BCL11B: variants seen among roughly 807,000 people sequenced by gnomAD.
BCL11B encodes BCL11 transcription factor B, also known as B-cell lymphoma/leukemia 11B.
Under a neutral mutation model 49.9 loss-of-function variants are expected in BCL11B, and 8 were observed. The ratio of observed to expected loss-of-function variants is 0.16; its 90% CI spans 0.09 to 0.29. The LOEUF is 0.29. Among genes scored for constraint, BCL11B ranks in the 10% least tolerant of loss-of-function variants. The probability of loss-of-function intolerance (pLI) is 1.00; values close to 1 mark genes in which losing one functional copy is unlikely to be tolerated. For synonymous variants in BCL11B, 739 were observed against 637.4 expected, an observed-to-expected ratio of 1.16 and a Z score of -2.40; for missense variants, 1,006 against 1,351.0, an observed-to-expected ratio of 0.74 and a Z score of 4.00.
At chr14:99,261,230 T>C (rs1889328563) in intron 1 of BCL11B, among the ~76,000 whole-genome samples, 2 of 152,170 alleles carry the variant, frequency 1.3e-5, no homozygotes, top group African/African-American at 2.4e-5. Flanking sequence ...AAAGCTCACG[T>C]TCAAGGCCTT....
At chr14:99,179,381 G>A (rs1356697032) in intron 3 of BCL11B, among the ~76,000 whole-genome samples, 1 of 149,836 alleles carries the variant, frequency 6.7e-6, no homozygotes, top group African/African-American at 2.5e-5. Flanking sequence ...GGCTGAGGCA[G>A]GAGAATCGCT....
chr14:99,231,931 T>C lies in BCL11B; in HGVS notation c.428-374A>G, dbSNP rs529790343. Among the ~76,000 whole-genome samples the C allele has an allele frequency of 3.9e-5, 6 of 152,074 alleles. No homozygotes were observed. In the East Asian group the frequency reaches 5.9e-4, roughly 15 times the overall value. ...AATCAAATAGGTTCCATTTGGGGAT[T>C]TGTTTCCAAAACTTCGGGCTACCCC... On this transcript the variant is annotated intron_variant, in intron 2 of 3. Transcript: ENST00000357195. This position sits in a 1 kb window ranked among gnomAD's most constrained non-coding sequence, Gnocchi z 8.1.
intron 2 of BCL11B, among the ~76,000 whole-genome samples, chr14:99,234,264 C>G (rs1888424868): frequency 6.6e-6 from 1 of 152,036 alleles, no homozygotes; most frequent in Non-Finnish European, 1.5e-5. Context: ...GTGAATAGAT[C>G]CAAAACCACT....
Position 99,192,869 on chromosome 14 carries a change from G to GTGAATGAA in BCL11B, c.641-16682_641-16675dup, listed in dbSNP as rs10553108. Among the ~76,000 whole-genome samples the GTGAATGAA allele has an allele frequency of 6.6e-6, 1 of 151,218 alleles. No homozygotes were observed. Among genetic ancestry groups the GTGAATGAA allele is most frequent in the African/African-American group, 2.4e-5 (1 of 41,074 alleles). ...TATTTAATGATCAAAATGTAAATGA[G>GTGAATGAA]TGAATGAATGAATGAATGAATGAAT... On this transcript the variant is annotated intron_variant, in intron 3 of 3. Transcript: ENST00000357195. The surrounding 1 kb of genome is among the most constrained non-coding windows in gnomAD (Gnocchi z 4.0).
intron 3 of BCL11B, among the ~76,000 whole-genome samples, chr14:99,207,940 CCT>C (rs946528634): frequency 9.9e-5 from 15 of 152,268 alleles, no homozygotes; most frequent in East Asian, 1.9e-4. Flanking sequence ...GTAACAGGCC[CCT>C]GAGTCTCCAT....
At chr14:99,224,645 T>C (rs1279758791) in intron 3 of BCL11B, among the ~76,000 whole-genome samples, 5 of 152,200 alleles carry the variant, frequency 3.3e-5, no homozygotes, top group Admixed American at 6.5e-5. Flanking sequence ...CCCCAGGTGC[T>C]GGTCATGGGC....
At position 99,194,389 on chromosome 14, in the gene BCL11B, G is replaced by A. The variant is rs1047158894; in HGVS notation, c.641-18194C>T. Among the ~76,000 whole-genome samples the A allele has an allele frequency of 6.6e-6, 1 of 152,216 alleles. No homozygotes were observed. Among genetic ancestry groups the A allele is most frequent in the Non-Finnish European group, 1.5e-5 (1 of 68,030 alleles). ...GTGCTCCTGGACAACATCCCTAGGG[G>A]GTGGCAGGGCCAGGAAGATGCCTGT... On this transcript the variant is annotated intron_variant, in intron 3 of 3. Transcript: ENST00000357195. This position sits in a 1 kb window ranked among gnomAD's most constrained non-coding sequence, Gnocchi z 4.6.
chr14:99,206,191 A>C (rs1887528412), intron 3 of BCL11B, among the ~76,000 whole-genome samples: 1 of 152,176 alleles, frequency 6.6e-6, no homozygotes, highest in African/African-American at 2.4e-5. Context: ...GGGTAATACT[A>C]TCTCTTATCC....
chr14:99,209,446 G>A lies in BCL11B; in HGVS notation c.640+21899C>T, dbSNP rs566002795. 5.3e-5 allele frequency among the ~76,000 whole-genome samples: 8 copies of A among 152,198 alleles called. No individual in the cohort carries two copies. In the East Asian group the frequency reaches 1.2e-3, roughly 22 times the overall value. On this transcript the variant is annotated intron_variant, in intron 3 of 3. Coordinates refer to ENST00000357195, the MANE Select transcript of BCL11B (RefSeq NM_138576.4). ...GCCATGTGAAGGAACAAGCCTGGTC[G>A]TGGGCTGGAATGAGGTCAGTGCCAG...
chr14:99,231,632 TC>T lies in BCL11B; in HGVS notation c.428-76del. The T allele has an allele frequency of 8.1e-7, 1 of 1,231,586 alleles. No individual in the cohort carries two copies. Among genetic ancestry groups the T allele is most frequent in the South Asian group, 1.3e-5 (1 of 77,476 alleles). The allele number at this position is 1,231,586 out of a possible 1,614,324, so 76.3% of individuals were successfully genotyped here. A position where few individuals can be genotyped will look rare whatever the true frequency, so the allele number is the denominator to read the frequency against. ...TGAGGGGCACGGGGTGGGACGGGGCTCGGGGCGTGGGGCTCTGCTCAGGCCA... is the reference window on the plus strand; with the variant it reads ...TGAGGGGCACGGGGTGGGACGGGGCTGGGGCGTGGGGCTCTGCTCAGGCCA... On this transcript the variant is annotated intron_variant, in intron 2 of 3. Coordinates refer to ENST00000357195, the MANE Select transcript of BCL11B (RefSeq NM_138576.4). The surrounding 1 kb of genome is among the most constrained non-coding windows in gnomAD (Gnocchi z 8.1).
intron 1 of BCL11B, among the ~76,000 whole-genome samples, chr14:99,260,250 C>A (rs1358203501): frequency 2.6e-5 from 4 of 152,132 alleles, no homozygotes; most frequent in African/African-American, 7.2e-5. Flanking sequence ...ATTTTAAATA[C>A]CACCCTGTCC....
chr14:99,261,200 A>G (rs979023758), intron 1 of BCL11B, among the ~76,000 whole-genome samples: 2 of 152,214 alleles, frequency 1.3e-5, no homozygotes, highest in Non-Finnish European at 2.9e-5. Context: ...GGGTCAGAGT[A>G]AGTGGACCAA....
rs527741057 is a variant in BCL11B at position 99,201,125 on chromosome 14, C to G, written c.641-24930G>C. Among the ~76,000 whole-genome samples, 11 of 152,306 alleles carry G rather than the reference C, an allele frequency of 7.2e-5. No individual in the cohort carries two copies. In the South Asian group the frequency reaches 1.0e-3, roughly 14 times the overall value. ...CAAAGCTGCAGAGGATCCCAGTTCT[C>G]CGAGGGAAGTGGGCAGTAGCCCGTG... is the stretch of plus-strand genomic sequence containing the variant. On this transcript the variant is annotated intron_variant, in intron 3 of 3. Coordinates refer to ENST00000357195, the MANE Select transcript of BCL11B (RefSeq NM_138576.4).
In BCL11B at chr14:99,228,831, G is replaced by A. The variant is rs188964125; in HGVS notation, c.640+2514C>T. ...CAGACTGCAAGCTGCACGAGGGCAG[G>A]GACCTGCCTGCCGACTCTTCCTGTG... On this transcript the variant is annotated intron_variant, in intron 3 of 3. Transcript: ENST00000357195. The surrounding 1 kb of genome is among the most constrained non-coding windows in gnomAD (Gnocchi z 4.8). Among the ~76,000 whole-genome samples, 31 of 152,350 alleles carry A rather than the reference G, an allele frequency of 2.0e-4. No homozygotes were observed.
intron 3 of BCL11B, among the ~76,000 whole-genome samples, chr14:99,193,010 G>A (rs1270399019): frequency 6.6e-6 from 1 of 152,194 alleles, no homozygotes; most frequent in Non-Finnish European, 1.5e-5. Flanking sequence ...ATGGGGCTAA[G>A]AGGGGCTAAG....
chr14:99,223,518 G>C (rs530920725), intron 3 of BCL11B, among the ~76,000 whole-genome samples: 109 of 152,304 alleles, frequency 7.2e-4, no homozygotes, highest in African/African-American at 2.5e-3. Flanking sequence ...AGTGGTCCAG[G>C]TGACCTTCAA....
At chr14:99,263,535 C>T (rs1274179462) in intron 1 of BCL11B, among the ~76,000 whole-genome samples, 1 of 152,228 alleles carries the variant, frequency 6.6e-6, no homozygotes, top group Admixed American at 6.5e-5. Context: ...ACTCCCATAC[C>T]TTCTGGTCTA....
rs144163173 is a variant in BCL11B, at chr14:99,244,634, A to G, written c.427+12837T>C. On this transcript the variant is annotated intron_variant, in intron 2 of 3. Transcript: ENST00000357195. ...AGATATGAAAACCTTCCTGTCCAGG[A>G]CTGGCAGTAGCTTTGAGCTCCCAAG... 6.3e-3 allele frequency among the ~76,000 whole-genome samples: 955 copies of G among 152,320 alleles called. 12 individuals carry two copies. Among genetic ancestry groups the G allele is most frequent in the African/African-American group, 0.022 (916 of 41,572 alleles).
intron 3 of BCL11B, among the ~76,000 whole-genome samples, chr14:99,182,748 G>C (rs779425675): frequency 6.6e-6 from 1 of 152,106 alleles, no homozygotes. Context: ...CAAGGCCTGC[G>C]GTAGACATTG....
Sources: allele counts gnomAD v4.1 joint callset (sites outside exome capture counted in the v4.1 genomes callset), GRCh38; gene constraint gnomAD v4.1.1; non-coding constraint Gnocchi (gnomAD v3.1); transcripts MANE v1.5; gene names NCBI Gene and HGNC (gene_info 2026-07-23, HGNC 2026-07-21).